The following ERC2 variants were observed in gnomAD, a reference collection of about 807,000 sequenced individuals.
The protein encoded by ERC2 is ELKS/RAB6-interacting/CAST family member 2, also known as ERC protein 2.
A neutral mutation model predicts 114.8 loss-of-function variants in ERC2; 42 were observed. The observed-to-expected ratio is 0.37, with a 90% CI of 0.29 to 0.47. The LOEUF is 0.47. Among genes scored for constraint, ERC2 ranks in the 20% least tolerant of loss-of-function variants. ERC2 has a pLI of 0.99. For synonymous variants in ERC2, 454 were observed against 425.5 expected (o/e 1.07, Z -0.82); for missense variants, 939 against 1,150.7 (o/e 0.82, Z 2.66).
At chr3:56,440,687 A>G (rs1488033169) in intron 1 of ERC2, among the ~76,000 whole-genome samples, 4 of 152,158 alleles carry the variant, frequency 2.6e-5, no homozygotes, top group African/African-American at 9.7e-5. Flanking sequence ...GTTACTTCCA[A>G]TTCCTTTTAA....
chr3:55,770,790 TC>T (rs2068140659), intron 14 of ERC2, among the ~76,000 whole-genome samples: 1 of 151,724 alleles, frequency 6.6e-6, no homozygotes. Context: ...ATGCTCTCCC[TC>T]CCCTTGCCCC....
rs143973317 is a variant in ERC2, at chr3:56,085,694, G to T, written c.1474-4710C>A. Among the ~76,000 whole-genome samples the T allele has an allele frequency of 3.9e-3, 594 of 152,292 alleles. 10 individuals are homozygous for T. Among genetic ancestry groups the T allele is most frequent in the African/African-American group, 0.014 (569 of 41,582 alleles). Reference sequence around the variant, plus strand: ...TTCATTATATCTGGTGAAAAAATATGATTTTTGAGTTTATGCACAAATATA... The same window carrying T: ...TTCATTATATCTGGTGAAAAAATATTATTTTTGAGTTTATGCACAAATATA... On this transcript the variant is annotated intron_variant, in intron 6 of 17. Transcript: ENST00000288221.
intron 13 of ERC2, among the ~76,000 whole-genome samples, chr3:55,938,797 C>T (rs150534362): frequency 1.6e-4 from 24 of 152,162 alleles, no homozygotes; most frequent in Non-Finnish European, 2.5e-4. Context: ...ATAACATGAG[C>T]CTAGAGCACT....
intron 1 of ERC2, among the ~76,000 whole-genome samples, chr3:56,449,451 A>G (rs1209352284): frequency 6.6e-6 from 1 of 152,218 alleles, no homozygotes; most frequent in Non-Finnish European, 1.5e-5. Flanking sequence ...GAGCTATGCA[A>G]AACAACTTTG....
chr3:56,101,348 CTG>C (rs1318666869), intron 6 of ERC2, among the ~76,000 whole-genome samples: 2 of 146,440 alleles, frequency 1.4e-5, no homozygotes, highest in African/African-American at 5.1e-5. Context: ...GAAAGAGAGA[CTG>C]TTTTCCTTCA....
intron 14 of ERC2, among the ~76,000 whole-genome samples, chr3:55,797,923 G>C (rs923080766): frequency 3.9e-5 from 6 of 152,130 alleles, no homozygotes; most frequent in Non-Finnish European, 7.4e-5. Context: ...AAATATAATT[G>C]TTAACCTAAA....
chr3:55,710,498 T>C (rs910256837), intron 15 of ERC2, among the ~76,000 whole-genome samples: 7 of 152,118 alleles, frequency 4.6e-5, no homozygotes, highest in African/African-American at 1.7e-4. Context: ...GTTTTTTTTT[T>C]CCTAACACAT....
At chr3:56,188,695 T>C (rs563899565) in intron 3 of ERC2, among the ~76,000 whole-genome samples, 1 of 152,302 alleles carries the variant, frequency 6.6e-6, no homozygotes, top group African/African-American at 2.4e-5. Context: ...CTCACAGAAT[T>C]GGAAAGCACC....
intron 17 of ERC2, among the ~76,000 whole-genome samples, chr3:55,542,049 C>T (rs1413819078): frequency 6.6e-6 from 1 of 152,164 alleles, no homozygotes; most frequent in Non-Finnish European, 1.5e-5. Flanking sequence ...ACGTTTTAAA[C>T]CCATTTTACT....
At position 55,699,368 on chromosome 3, in the gene ERC2, T is replaced by C. The variant is rs577699179; in HGVS notation, c.2847+10A>G. 31 of 1,613,710 alleles carry C rather than the reference T, an allele frequency of 1.9e-5. No homozygotes were observed. In the South Asian group the frequency reaches 3.3e-4, roughly 17 times the overall value. On this transcript the variant is annotated intron_variant, in intron 16 of 17. Coordinates refer to ENST00000288221, the MANE Select transcript of ERC2 (RefSeq NM_015576.3). ...AAGGGGTCTTGGAGGTAAGCAGCGA[T>C]GAAACTGACCTGGTCCGGAGAGGGC...
intron 3 of ERC2, among the ~76,000 whole-genome samples, chr3:56,240,895 G>T (rs2051280033): frequency 6.6e-6 from 1 of 152,104 alleles, no homozygotes; most frequent in African/African-American, 2.4e-5. Flanking sequence ...GTGATGCTGA[G>T]GTTTGGGTTT....
chr3:56,220,505 A>G (rs2049832395), intron 3 of ERC2, among the ~76,000 whole-genome samples: 1 of 152,226 alleles, frequency 6.6e-6, no homozygotes, highest in Non-Finnish European at 1.5e-5. Context: ...ATGGAGAATC[A>G]GGCTGAGATG....
chr3:56,056,823 G>C (rs1191862868), intron 7 of ERC2, among the ~76,000 whole-genome samples: 1 of 152,080 alleles, frequency 6.6e-6, no homozygotes, highest in Non-Finnish European at 1.5e-5. Context: ...ACCTTCCCTG[G>C]TCAATAGGCA....
At chr3:56,457,046 G>T (rs890073509) in intron 1 of ERC2, among the ~76,000 whole-genome samples, 5 of 152,208 alleles carry the variant, frequency 3.3e-5, no homozygotes, top group Non-Finnish European at 7.3e-5. Context: ...AAGGAATAAT[G>T]AAACTATTTC....
At chr3:55,631,161 T>G (rs571973026) in intron 17 of ERC2, among the ~76,000 whole-genome samples, 134 of 149,134 alleles carry the variant, frequency 9.0e-4, no homozygotes, top group Non-Finnish European at 1.3e-3. Flanking sequence ...GTATTTGGGG[T>G]TTTTTTTTTC....
At chr3:55,817,738 T>C (rs752841749) in intron 14 of ERC2, among the ~76,000 whole-genome samples, 1 of 152,200 alleles carries the variant, frequency 6.6e-6, no homozygotes, top group Non-Finnish European at 1.5e-5. Context: ...ATCTGTCAGG[T>C]AGACCATTTT....
At chr3:55,968,172 A>G (rs1218358969) in intron 12 of ERC2, among the ~76,000 whole-genome samples, 1 of 152,150 alleles carries the variant, frequency 6.6e-6, no homozygotes, top group Non-Finnish European at 1.5e-5. Context: ...TGGATCTTCT[A>G]GAAAATCAGA....
At chr3:55,786,952 T>C (rs1031112841) in intron 14 of ERC2, among the ~76,000 whole-genome samples, 2 of 152,298 alleles carry the variant, frequency 1.3e-5, no homozygotes, top group African/African-American at 4.8e-5. Flanking sequence ...CAGGAAGAAC[T>C]ATACTACTAC....
At chr3:55,801,185 C>A (rs564607515) in intron 14 of ERC2, among the ~76,000 whole-genome samples, 2 of 152,200 alleles carry the variant, frequency 1.3e-5, no homozygotes, top group African/African-American at 4.8e-5. Context: ...TTACATATTA[C>A]TTAATACAAT....
Sources: gnomAD v4.1 joint callset for allele counts (sites outside exome capture counted in the v4.1 genomes callset) on GRCh38, gnomAD v4.1.1 for gene constraint, MANE v1.5 for transcripts, NCBI Gene and HGNC (gene_info 2026-07-23, HGNC 2026-07-21) for gene names.